Variants in FARP2 observed in about 807,000 individuals in gnomAD.
FARP2 encodes the protein FERM, ARH/RhoGEF and pleckstrin domain protein 2.
A neutral mutation model predicts 130.5 loss-of-function variants in FARP2; 111 were observed. That is an observed-to-expected ratio of 0.85 (90% CI 0.73 to 1.00). The LOEUF (loss-of-function observed/expected upper bound fraction) is 1.00. FARP2 is among the 50% of genes least tolerant of loss of function. The pLI is 0.00. For synonymous variants in FARP2, 504 were observed against 516.9 expected (o/e 0.98, Z 0.34); for missense variants, 1,385 against 1,346.3 (o/e 1.03, Z -0.45).
At chr2:241,379,404 A>C (rs536757487) in intron 2 of FARP2, among the ~76,000 whole-genome samples, 88 of 152,332 alleles carry the variant, frequency 5.8e-4, no homozygotes, top group African/African-American at 1.9e-3. Context: ...TCTAATGAGC[A>C]TGAGGGTTTT....
chr2:241,373,329 C>CAGAA (rs757598865), intron 2 of FARP2, 39 bp downstream of exon 2: 1 of 1,291,590 alleles, frequency 7.7e-7, no homozygotes, highest in Non-Finnish European at 1.0e-6. Context: ...TTCCTTATAT[C>CAGAA]TTCTAACAGT....
At chr2:241,369,410 C>A (rs191147814) in intron 1 of FARP2, among the ~76,000 whole-genome samples, 10 of 152,194 alleles carry the variant, frequency 6.6e-5, no homozygotes, top group Admixed American at 5.2e-4. Context: ...TCTCTGTGTT[C>A]CATCCCAGTG....
In FARP2 at chr2:241,366,120, T is replaced by C. The variant is rs866517274; in HGVS notation, c.-24-6964T>C. On this transcript the variant is annotated intron_variant, in intron 1 of 26. Transcript: ENST00000264042. ...AAAAAAAAAAATATATATATATATA[T>C]ACGTATATATATATATATACACACA... 9.0e-5 allele frequency among the ~76,000 whole-genome samples: 4 copies of C among 44,326 alleles called. No homozygotes were observed. In the Admixed American group the frequency reaches 9.5e-4, roughly 11 times the overall value. 29.1% of individuals were successfully genotyped at this position (44,326 alleles called of 152,430 possible).
chr2:241,375,207 T>A (rs1308247298), intron 2 of FARP2, among the ~76,000 whole-genome samples: 1 of 152,076 alleles, frequency 6.6e-6, no homozygotes, highest in Non-Finnish European at 1.5e-5. Flanking sequence ...CGCTTCGGCC[T>A]CCCAAAGTGC....
At chr2:241,381,567 G>GCAGCTT (rs1481347292) in intron 2 of FARP2, among the ~76,000 whole-genome samples, 2 of 152,086 alleles carry the variant, frequency 1.3e-5, no homozygotes, top group Non-Finnish European at 2.9e-5. Context: ...GCTTTTCAGG[G>GCAGCTT]TTCTGCTGGC....
chr2:241,424,153 A>G (rs535432959), intron 8 of FARP2, among the ~76,000 whole-genome samples: 1 of 152,332 alleles, frequency 6.6e-6, no homozygotes, highest in East Asian at 1.9e-4. Context: ...AAACAAAAGA[A>G]TATAAATTCT....
chr2:241,432,708 T>TG (rs2063123305), intron 9 of FARP2, among the ~76,000 whole-genome samples: 2 of 152,246 alleles, frequency 1.3e-5, no homozygotes, highest in African/African-American at 4.8e-5. Context: ...TAAATGCCTG[T>TG]GCAGTGTATT....
At chr2:241,383,400 C>A (rs534421180) in intron 2 of FARP2, among the ~76,000 whole-genome samples, 3 of 152,352 alleles carry the variant, frequency 2.0e-5, no homozygotes, top group African/African-American at 7.2e-5. Flanking sequence ...CGGCACAGAT[C>A]TCTGTTCTTG....
rs2064698428 is a variant in FARP2 at position 241,484,268 on chromosome 2, C to T, written c.2358C>T (p.Ser786=). 2.5e-6 allele frequency: 4 copies of T among 1,614,162 alleles called. No individual in the cohort carries two copies. The highest frequency in any genetic ancestry group is 3.4e-6 in the Non-Finnish European group (4 of 1,179,992). The change falls in exon 21 of 27, where the codon AGC becomes AGT. Residue 786 remains serine, a synonymous_variant. Coordinates refer to ENST00000264042, the MANE Select transcript of FARP2 (RefSeq NM_014808.4). ...TCTCAGATATGTTGCTGTACACAAG[C>T]AAAGGAGTTGCAGGGACCAGCCACT... ...FLFSDMLLYT[S]KGVAGTSHFR...
At chr2:241,401,467 T>C (rs936686198) in intron 2 of FARP2, among the ~76,000 whole-genome samples, 1 of 152,180 alleles carries the variant, frequency 6.6e-6, no homozygotes, top group African/African-American at 2.4e-5. Context: ...GGCATATGTG[T>C]TTTTAATAAA....
intron 2 of FARP2, among the ~76,000 whole-genome samples, chr2:241,396,899 G>T (rs572994291): frequency 3.2e-4 from 48 of 152,308 alleles, no homozygotes; most frequent in African/African-American, 1.1e-3. Flanking sequence ...GTTTCTTGCG[G>T]CACTATTCAC....
rs972822930 is a variant in FARP2 at position 241,494,312 on chromosome 2, T to C, written c.*187T>C. On this transcript the variant is annotated 3_prime_UTR_variant, in exon 27 of 27. Transcript: ENST00000264042. The surrounding 1 kb of genome is among the most constrained non-coding windows in gnomAD (Gnocchi z 4.9). Reference sequence around the variant, plus strand: ...CTTCATCCCCCCACCCAGGACCTAGTGCATGCCAGCAGCTATCTGGGGCCC... The same window carrying C: ...CTTCATCCCCCCACCCAGGACCTAGCGCATGCCAGCAGCTATCTGGGGCCC... The C allele has an allele frequency of 2.0e-5, 8 of 400,788 alleles. No homozygotes were observed. Among genetic ancestry groups the C allele is most frequent in the Non-Finnish European group, 2.3e-5 (5 of 219,826 alleles). 24.8% of individuals were successfully genotyped at this position (400,788 alleles called of 1,614,324 possible). A position where few individuals can be genotyped will look rare whatever the true frequency, so the allele number is the denominator to read the frequency against.
At chr2:241,376,678 C>T (rs1371702722) in intron 2 of FARP2, among the ~76,000 whole-genome samples, 1 of 152,266 alleles carries the variant, frequency 6.6e-6, no homozygotes, top group African/African-American at 2.4e-5. Flanking sequence ...CATTCGTATT[C>T]TGTCTTTCTG....
At chr2:241,468,439 G>A in intron 18 of FARP2, 62 bp downstream of exon 18, 5 of 1,307,856 alleles carry the variant, frequency 3.8e-6, no homozygotes, top group Non-Finnish European at 5.4e-6. Context: ...GGCAGGGGCG[G>A]CTTTGCCAGA....
chr2:241,478,721 C>G, intron 19 of FARP2: 1 of 465,912 alleles, frequency 2.1e-6, no homozygotes, highest in South Asian at 1.7e-5. Context: ...AATTAGAGAA[C>G]AAGAGAGCAA....
At chr2:241,408,026 C>G (rs1448574978) in intron 5 of FARP2, among the ~76,000 whole-genome samples, 1 of 152,060 alleles carries the variant, frequency 6.6e-6, no homozygotes, top group East Asian at 1.9e-4. Flanking sequence ...TACTTTGGGT[C>G]ACTTCTTTTG....
chr2:241,440,635 C>T (rs1045952759), intron 12 of FARP2, among the ~76,000 whole-genome samples: 6 of 152,152 alleles, frequency 3.9e-5, no homozygotes, highest in African/African-American at 1.4e-4. Flanking sequence ...TGGTGTGTGT[C>T]CTAACTCCCT....
In FARP2 at chr2:241,462,498, A is replaced by G. The variant is rs188710248; in HGVS notation, c.1588-25A>G. The G allele has an allele frequency of 3.6e-4, 576 of 1,581,786 alleles. 2 individuals are homozygous for G. In the African/African-American group the frequency reaches 7.0e-3, roughly 19 times the overall value. On this transcript the variant is annotated intron_variant, in intron 14 of 26. Coordinates refer to ENST00000264042, the MANE Select transcript of FARP2 (RefSeq NM_014808.4). ...AGGGTCCCATGTCCCAGGGACGCACACTTACAGCTCTCTGCTTCTTTCAGC... is the reference window on the plus strand; with the variant it reads ...AGGGTCCCATGTCCCAGGGACGCACGCTTACAGCTCTCTGCTTCTTTCAGC...
At position 241,492,997 on chromosome 2, in the gene FARP2, C is replaced by G. The variant is rs1302587352; in HGVS notation, c.2856C>G (p.Val952=). 6.2e-7 allele frequency: 1 copy of G among 1,611,080 alleles called. No homozygotes were observed. The highest frequency in any genetic ancestry group is 1.1e-5 in the South Asian group (1 of 91,024). The stretch of plus-strand genomic sequence containing the variant: ...ATGGCTGGCAGAAGCTCTGGGTCGT[C>G]TTTACCAACTTCTGTTTGTTCTTCT... ...NSHGWQKLWV[V]FTNFCLFFYK... is the part of the protein sequence containing the mutation. The change falls in exon 25 of 27, where the codon GTC becomes GTG. Residue 952 remains valine, a synonymous_variant. Transcript: ENST00000264042.
Sources: allele counts gnomAD v4.1 joint callset (sites outside exome capture counted in the v4.1 genomes callset), GRCh38; gene constraint gnomAD v4.1.1; non-coding constraint Gnocchi (gnomAD v3.1); transcripts MANE v1.5; gene names NCBI Gene and HGNC (gene_info 2026-07-23, HGNC 2026-07-21).